The following NUMB variants were observed in gnomAD, a reference collection of about 807,000 sequenced individuals.
NUMB encodes the protein protein numb homolog.
NUMB carries 29 observed loss-of-function variants against 59.7 expected under a neutral mutation model. The ratio of observed to expected loss-of-function variants is 0.49; its 90% CI spans 0.36 to 0.66. NUMB has a LOEUF of 0.66. Among genes scored for constraint, NUMB ranks in the 30% least tolerant of loss-of-function variants. NUMB has a pLI of 0.00. For missense variants in NUMB, 723 were observed against 822.0 expected (o/e 0.88, Z 1.47); for synonymous variants, 288 against 288.2 (o/e 1.00, Z 0.01).
chr14:73,407,600 C>T (rs1414564215), intron 2 of NUMB, among the ~76,000 whole-genome samples: 3 of 152,160 alleles, frequency 2.0e-5, no homozygotes, highest in Admixed American at 2.0e-4. Flanking sequence ...AGTTATTTTC[C>T]ATTATAGAAT....
chr14:73,396,258 T>G (rs1896126464), intron 2 of NUMB, among the ~76,000 whole-genome samples: 1 of 151,950 alleles, frequency 6.6e-6, no homozygotes, highest in African/African-American at 2.4e-5. Context: ...AGCCTGCCCC[T>G]CTATCCATCC....
At chr14:73,398,409 AGAGAGAGTGT>A (rs1411262229) in intron 2 of NUMB, among the ~76,000 whole-genome samples, 15 of 120,228 alleles carry the variant, frequency 1.2e-4, no homozygotes, top group African/African-American at 4.4e-4. Flanking sequence ...AGAGAGAGAG[AGAGAGAGTGT>A]GTGTGTGTGT....
chr14:73,440,182 GACA>G (rs559967454), intron 1 of NUMB, among the ~76,000 whole-genome samples: 81 of 145,654 alleles, frequency 5.6e-4, no homozygotes, highest in African/African-American at 6.3e-4. Flanking sequence ...ATGCTGCTGG[GACA>G]ACTAGATATC....
chr14:73,376,559 A>C (rs1894958992), intron 2 of NUMB, among the ~76,000 whole-genome samples: 1 of 152,082 alleles, frequency 6.6e-6, no homozygotes, highest in South Asian at 2.1e-4. Flanking sequence ...AAATAAAAAT[A>C]AACTTTATAA....
intron 1 of NUMB, among the ~76,000 whole-genome samples, chr14:73,433,468 T>G (rs1452835487): frequency 6.6e-6 from 1 of 152,062 alleles, no homozygotes; most frequent in African/African-American, 2.4e-5. Context: ...GGCCCAATTA[T>G]TAGGTCCAAC....
chr14:73,328,860 T>C (rs1891803252), intron 4 of NUMB, among the ~76,000 whole-genome samples: 1 of 152,184 alleles, frequency 6.6e-6, no homozygotes, highest in Non-Finnish European at 1.5e-5. Context: ...AGTCTCTGCC[T>C]TTACTTTTCA....
At chr14:73,286,026 A>G (rs1566726210) in intron 9 of NUMB, among the ~76,000 whole-genome samples, 3 of 151,116 alleles carry the variant, frequency 2.0e-5, no homozygotes, top group Non-Finnish European at 2.9e-5. Flanking sequence ...ATATATATAT[A>G]TTTGTTTGTT....
At chr14:73,383,677 T>A (rs1241571334) in intron 2 of NUMB, among the ~76,000 whole-genome samples, 1 of 152,138 alleles carries the variant, frequency 6.6e-6, no homozygotes, top group Non-Finnish European at 1.5e-5. Context: ...CACGTAAGCA[T>A]CTTACTGAAA....
chr14:73,314,684 C>A (rs1255330342), intron 6 of NUMB, among the ~76,000 whole-genome samples: 1 of 152,030 alleles, frequency 6.6e-6, no homozygotes, highest in African/African-American at 2.4e-5. Flanking sequence ...TTTGCTATAA[C>A]CTGACCTTCA....
At chr14:73,331,491 T>C (rs1198477362) in intron 4 of NUMB, among the ~76,000 whole-genome samples, 8 of 152,018 alleles carry the variant, frequency 5.3e-5, no homozygotes, top group Non-Finnish European at 1.2e-4. Context: ...GAGCTTGCAG[T>C]GAGCTGAGAT....
chr14:73,362,496 T>C (rs1894144209), intron 3 of NUMB, among the ~76,000 whole-genome samples: 1 of 152,002 alleles, frequency 6.6e-6, no homozygotes, highest in African/African-American at 2.4e-5. Context: ...CAGGCTGGAG[T>C]ACAGTGGTGT....
intron 4 of NUMB, among the ~76,000 whole-genome samples, chr14:73,337,502 C>CA (rs1211888211): frequency 1.3e-5 from 2 of 151,708 alleles, no homozygotes; most frequent in African/African-American, 4.8e-5. Flanking sequence ...ACTCTTGTCT[C>CA]AAAAAAATGT....
chr14:73,413,981 G>T (rs2140139256), intron 1 of NUMB, among the ~76,000 whole-genome samples: 1 of 145,094 alleles, frequency 6.9e-6, no homozygotes, highest in Admixed American at 6.9e-5. Context: ...TTGATACAGA[G>T]TCTCACTCTG....
At chr14:73,278,026 A>T (rs2139788836) in intron 12 of NUMB, among the ~76,000 whole-genome samples, 1 of 132,844 alleles carries the variant, frequency 7.5e-6, no homozygotes, top group South Asian at 2.4e-4. Context: ...CAGCCTAGTG[A>T]CACAGCGAGA....
intron 1 of NUMB, among the ~76,000 whole-genome samples, chr14:73,416,451 G>A (rs1347968022): frequency 1.3e-5 from 2 of 151,442 alleles, no homozygotes; most frequent in Admixed American, 6.6e-5. Context: ...CAGTATAAAA[G>A]CTCTTTAGAA....
At chr14:73,310,977 T>C (rs117604684) in intron 6 of NUMB, among the ~76,000 whole-genome samples, 134 of 152,324 alleles carry the variant, frequency 8.8e-4, no homozygotes, top group Non-Finnish European at 1.7e-3. Context: ...TAGCCAACTA[T>C]GAATGAAGCT....
In NUMB at chr14:73,286,950, C is replaced by T. The variant is rs753453719; in HGVS notation, c.655+160G>A. 1.6e-5 allele frequency: 11 copies of T among 684,830 alleles called. No individual in the cohort carries two copies. In the Admixed American group the frequency reaches 2.1e-4, roughly 13 times the overall value. The allele number at this position is 684,830 out of a possible 1,614,324, so 42.4% of individuals were successfully genotyped here. A position where few individuals can be genotyped will look rare whatever the true frequency, so the allele number is the denominator to read the frequency against. On this transcript the variant is annotated intron_variant, in intron 9 of 12. Transcript: ENST00000555238. The stretch of plus-strand genomic sequence containing the variant: ...TTTTGAAGCCATTAAACTAGCCACT[C>T]TAAAGGAAGCGGTTTTTAAGATTTT...
At chr14:73,444,522 C>A (rs1883322478) in intron 1 of NUMB, among the ~76,000 whole-genome samples, 1 of 151,822 alleles carries the variant, frequency 6.6e-6, no homozygotes, top group Non-Finnish European at 1.5e-5. Context: ...TTGAGGCAAG[C>A]CTTTAAAATA....
intron 1 of NUMB, among the ~76,000 whole-genome samples, chr14:73,412,454 C>A (rs1030304375): frequency 6.6e-6 from 1 of 151,646 alleles, no homozygotes; most frequent in Non-Finnish European, 1.5e-5. Context: ...ATAGAGAAAC[C>A]CTATCTCTAT....
Sources: gnomAD v4.1 joint callset for allele counts (sites outside exome capture counted in the v4.1 genomes callset) on GRCh38, gnomAD v4.1.1 for gene constraint, MANE v1.5 for transcripts, NCBI Gene and HGNC (gene_info 2026-07-23, HGNC 2026-07-21) for gene names.